SP4: variants seen among roughly 807,000 people sequenced by gnomAD.
SP4 encodes the protein Sp4 transcription factor, also known as transcription factor Sp4.
In SP4, 19 loss-of-function variants were observed where a neutral mutation model predicts 72.8. That is an observed-to-expected ratio of 0.26 (90% CI 0.18 to 0.38). The LOEUF (loss-of-function observed/expected upper bound fraction) is 0.38, where lower values mean the gene tolerates loss of function less well. Ranked by LOEUF, SP4 falls within the 10% of genes least tolerant of loss-of-function variation. The pLI is 1.00. For synonymous variants in SP4, 395 were observed against 333.1 expected, an observed-to-expected ratio of 1.19 and a Z score of -2.02; for missense variants, 1,008 against 926.3, an observed-to-expected ratio of 1.09 and a Z score of -1.14.
chr7:21,438,941 A>C (rs1350412668), intron 3 of SP4, among the ~76,000 whole-genome samples: 5 of 152,246 alleles, frequency 3.3e-5, no homozygotes, highest in African/African-American at 1.2e-4. Flanking sequence ...GATATATCCA[A>C]GATAAGCCAA....
Position 21,429,718 on chromosome 7 carries a change from A to G in SP4, c.553A>G (p.Ser185Gly). ...TCAACAAATTCAAATCAATCCAACT[A>G]GTAGTTCATCTCTACAGGATTTGCA... ...EGQQIQINPT[S>G]SSSLQDLQGQ... The change falls in exon 3 of 6, where the codon AGT becomes GGT. Residue 185 changes from serine (S) to glycine (G), a missense_variant. By Grantham distance (56) the Ser-to-Gly change is moderately conservative. Transcript: ENST00000222584. The G allele has an allele frequency of 6.2e-7, 1 of 1,614,166 alleles. No individual in the cohort carries two copies. Among genetic ancestry groups the G allele is most frequent in the Non-Finnish European group, 8.5e-7 (1 of 1,180,020 alleles).
chr7:21,470,929 A>G, intron 3 of SP4: 1 of 406,646 alleles, frequency 2.5e-6, no homozygotes, highest in Non-Finnish European at 5.0e-6. Flanking sequence ...AGTTATTAAA[A>G]AAATTATTTT....
intron 5 of SP4, among the ~76,000 whole-genome samples, chr7:21,484,523 G>A (rs1240281914): frequency 6.6e-6 from 1 of 151,814 alleles, no homozygotes; most frequent in Non-Finnish European, 1.5e-5. Context: ...GTAAAGCTCT[G>A]AATTTTAATT....
chr7:21,429,616 T>C lies in SP4; in HGVS notation c.451T>C (p.Phe151Leu). The stretch of plus-strand genomic sequence containing the variant: ...AGGTAATTCTTCCACCCCTGGTCAA[T>C]TTCAAGTCATACAAGTACAAAATCC... ...KSGNSSTPGQ[F>L]QVIQVQNPSG... The change falls in exon 3 of 6, where the codon TTT becomes CTT. Residue 151 changes from phenylalanine to leucine, a missense_variant. Around this residue, in one of 3 missense-constraint regions of SP4, gnomAD observed 893 missense variants for 743.3 expected, o/e 1.20. Transcript: ENST00000222584. 2 of 1,614,182 alleles carry C rather than the reference T, an allele frequency of 1.2e-6. No homozygotes were observed. Among genetic ancestry groups the C allele is most frequent in the Non-Finnish European group, 1.7e-6 (2 of 1,180,024 alleles).
chr7:21,428,750 G>C lies in SP4; in HGVS notation c.81G>C (p.Glu27Asp), dbSNP rs1285900243. ...CTACAGAAGGAGGGAAAACCTCTGA[G>C]CCAGAGAATAACAATAAAAAACCCA... ...AMATEGGKTSEPENNNKKPKT... is the reference protein window; with the variant it reads ...AMATEGGKTSDPENNNKKPKT... The change falls in exon 2 of 6, where the codon GAG becomes GAC. Residue 27 changes from glutamate (E) to aspartate (D), a missense_variant. Physicochemically the swap from Glu to Asp is conservative, Grantham distance 45 (BLOSUM62 2). Around this residue, in one of 3 missense-constraint regions of SP4, gnomAD observed 893 missense variants for 743.3 expected, o/e 1.20. Coordinates refer to ENST00000222584, the MANE Select transcript of SP4 (RefSeq NM_003112.5). 6.4e-7 allele frequency: 1 copy of C among 1,553,016 alleles called. No homozygotes were observed. The highest frequency in any genetic ancestry group is 1.2e-5 in the South Asian group (1 of 84,106).
At chr7:21,485,139 T>A (rs1001976054) in intron 5 of SP4, among the ~76,000 whole-genome samples, 2 of 151,926 alleles carry the variant, frequency 1.3e-5, no homozygotes, top group African/African-American at 4.8e-5. Flanking sequence ...TCTAAAAGAA[T>A]ATGAAAAAAT....
At chr7:21,459,852 A>T (rs1166714486) in intron 3 of SP4, among the ~76,000 whole-genome samples, 1 of 152,246 alleles carries the variant, frequency 6.6e-6, no homozygotes, top group Admixed American at 6.5e-5. Flanking sequence ...CACAAGGCTA[A>T]GTTCTGAGAG....
Position 21,428,244 on chromosome 7 carries a change from A to C in SP4, c.-8A>C. 1 of 1,263,362 alleles carries C rather than the reference A, an allele frequency of 7.9e-7. No homozygotes were observed. Among genetic ancestry groups the C allele is most frequent in the Non-Finnish European group, 1.0e-6 (1 of 969,068 alleles). The allele number at this position is 1,263,362 out of a possible 1,614,324, so 78.3% of individuals were successfully genotyped here. ...TCTCCGTCTGAGGGTTTGTCCTGTT[A>C]ATGCGGGATGAGCGGTACGTATTCT... On this transcript the variant is annotated 5_prime_UTR_variant, in exon 1 of 6. Coordinates refer to ENST00000222584, the MANE Select transcript of SP4 (RefSeq NM_003112.5).
At chr7:21,443,077 C>G (rs1392499698) in intron 3 of SP4, among the ~76,000 whole-genome samples, 1 of 152,162 alleles carries the variant, frequency 6.6e-6, no homozygotes, top group Non-Finnish European at 1.5e-5. Context: ...AGAATTAGCT[C>G]AAGGAGTGTT....
rs1180142309 is a variant in SP4, at chr7:21,429,294, T to G, written c.129T>G (p.Ser43=). 4 of 1,550,036 alleles carry G rather than the reference T, an allele frequency of 2.6e-6. No individual in the cohort carries two copies. Among genetic ancestry groups the G allele is most frequent in the Non-Finnish European group, 3.5e-6 (4 of 1,137,858 alleles). ...TACCGTCCCATTTTGGGTAGGACTC[T>G]CAGCCCTCTCCTCTGGCTTTACTGG... ...KKPKTSGSQD[S]QPSPLALLAA... Residue 43 remains serine (S), a synonymous_variant, in exon 3 of 6, where the codon TCT becomes TCG. Transcript: ENST00000222584.
chr7:21,434,607 T>C (rs1161176157), intron 3 of SP4, among the ~76,000 whole-genome samples: 2 of 152,118 alleles, frequency 1.3e-5, no homozygotes, highest in Non-Finnish European at 2.9e-5. Flanking sequence ...TTTTTTTACT[T>C]TTACTTTTAA....
intron 3 of SP4, among the ~76,000 whole-genome samples, chr7:21,464,567 A>C (rs1053226864): frequency 5.5e-5 from 8 of 146,580 alleles, no homozygotes. Flanking sequence ...TCTTTGTTTA[A>C]AAATCTATTT....
intron 3 of SP4, among the ~76,000 whole-genome samples, chr7:21,450,390 A>G (rs954666550): frequency 6.6e-6 from 1 of 152,198 alleles, no homozygotes; most frequent in African/African-American, 2.4e-5. Flanking sequence ...TTTGGTGGGC[A>G]TAGTAATATT....
chr7:21,489,553 C>CTTTTTTTTTTTTT (rs1193080485), intron 5 of SP4, among the ~76,000 whole-genome samples: 2 of 82,514 alleles, frequency 2.4e-5, no homozygotes, highest in African/African-American at 4.9e-5. Flanking sequence ...TTTCTTTTTT[C>CTTTTTTTTTTTTT]TTTTTTTTTT....
At chr7:21,490,158 G>T (rs185543929) in intron 5 of SP4, among the ~76,000 whole-genome samples, 19 of 152,306 alleles carry the variant, frequency 1.2e-4, no homozygotes, top group African/African-American at 4.3e-4. Context: ...AGGCAATTGA[G>T]AAATGAAGTG....
At chr7:21,443,300 A>G (rs1783318317) in intron 3 of SP4, among the ~76,000 whole-genome samples, 2 of 152,188 alleles carry the variant, frequency 1.3e-5, no homozygotes, top group Non-Finnish European at 2.9e-5. Flanking sequence ...TAGACTCAAG[A>G]TATATATTAA....
At chr7:21,450,084 T>C (rs1783544285) in intron 3 of SP4, among the ~76,000 whole-genome samples, 1 of 152,150 alleles carries the variant, frequency 6.6e-6, no homozygotes, top group African/African-American at 2.4e-5. Flanking sequence ...TACCCATTTG[T>C]ATCTCAACTT....
At chr7:21,428,590 G>C (rs1300619495) in intron 1 of SP4, 87 bp from the exon 2 acceptor site, 4 of 1,305,986 alleles carry the variant, frequency 3.1e-6, no homozygotes, top group Admixed American at 2.4e-5. Flanking sequence ...TTCGGGGGGA[G>C]GGGGGAGAAG....
In SP4 at chr7:21,430,062, A is replaced by C; in HGVS notation, c.897A>C (p.Gln299His). 1 of 1,614,160 alleles carries C rather than the reference A, an allele frequency of 6.2e-7. No homozygotes were observed. The highest frequency in any genetic ancestry group is 1.3e-5 in the African/African-American group (1 of 75,034). ...TADSGTSNGN[Q>H]LVSTPTNTTT... ...ATAGTGGGACTTCCAATGGGAATCA[A>C]TTAGTTTCCACACCCACCAACACCA... The change falls in exon 3 of 6, where the codon CAA (glutamine) becomes CAC (histidine). Residue 299 changes from glutamine (Q) to histidine (H), a missense_variant. Gln to His is a conservative substitution (Grantham distance 24). Transcript: ENST00000222584.
Sources: allele counts gnomAD v4.1 joint callset (sites outside exome capture counted in the v4.1 genomes callset), GRCh38; gene constraint gnomAD v4.1.1; regional missense constraint gnomAD v4.1.1; transcripts MANE v1.5; gene names NCBI Gene and HGNC (gene_info 2026-07-23, HGNC 2026-07-21).